CNTNAP2: variants seen among roughly 807,000 people sequenced by gnomAD.
CNTNAP2 encodes contactin-associated protein-like 2.
A neutral mutation model predicts 155.2 loss-of-function variants in CNTNAP2; 98 were observed. The observed-to-expected ratio is 0.63, with a 90% CI of 0.54 to 0.75. The LOEUF (loss-of-function observed/expected upper bound fraction) is 0.75. Ranked by LOEUF, CNTNAP2 falls within the 30% of genes least tolerant of loss-of-function variation. The pLI is 0.00. For synonymous variants in CNTNAP2, 651 were observed against 631.2 expected, an observed-to-expected ratio of 1.03 and a Z score of -0.47; for missense variants, 1,727 against 1,688.1, an observed-to-expected ratio of 1.02 and a Z score of -0.40.
At chr7:147,183,829 A>G (rs1256217473) in intron 8 of CNTNAP2, among the ~76,000 whole-genome samples, 4 of 152,150 alleles carry the variant, frequency 2.6e-5, no homozygotes, top group Admixed American at 6.5e-5. Context: ...GCCTGCTAAA[A>G]TTGTTGCCAC....
In CNTNAP2 at chr7:148,370,128, C is replaced by T. The variant is rs182140814; in HGVS notation, c.3476-13521C>T. Among the ~76,000 whole-genome samples the T allele has an allele frequency of 3.6e-3, 541 of 152,248 alleles. 4 individuals carry two copies. The highest frequency in any genetic ancestry group is 0.013 in the African/African-American group (521 of 41,538). The stretch of plus-strand genomic sequence containing the variant: ...AAGAGAAAGATATGGTCAAATGGCC[C>T]GGCCTCCTCCCACCTCGGAGGATAC... On this transcript the variant is annotated intron_variant, in intron 21 of 23. Coordinates refer to ENST00000361727, the MANE Select transcript of CNTNAP2 (RefSeq NM_014141.6).
chr7:146,557,786 A>G (rs1798218949), intron 1 of CNTNAP2, among the ~76,000 whole-genome samples: 1 of 152,184 alleles, frequency 6.6e-6, no homozygotes, highest in Admixed American at 6.5e-5. Context: ...TAGGTTGCAA[A>G]TTGAGCTAAT....
At chr7:146,958,575 G>A (rs914145256) in intron 3 of CNTNAP2, among the ~76,000 whole-genome samples, 9 of 151,618 alleles carry the variant, frequency 5.9e-5, no homozygotes, top group South Asian at 2.1e-4. Context: ...CACAACGCCC[G>A]GCTAATTTTT....
intron 21 of CNTNAP2, among the ~76,000 whole-genome samples, chr7:148,271,572 C>T (rs6973287): frequency 0.36 from 54,195 of 152,142 alleles, 11,394 homozygotes; most frequent in East Asian, 0.6. Flanking sequence ...GACACCTGCA[C>T]CTTCCAGAAT....
intron 1 of CNTNAP2, among the ~76,000 whole-genome samples, chr7:146,223,469 A>G (rs1799241284): frequency 6.6e-6 from 1 of 152,172 alleles, no homozygotes; most frequent in East Asian, 1.9e-4. Context: ...AGCTTCAGTA[A>G]GAGTGGACAT....
chr7:146,416,285 T>TAC (rs1373633550), intron 1 of CNTNAP2, among the ~76,000 whole-genome samples: 6 of 150,404 alleles, frequency 4.0e-5, no homozygotes, highest in African/African-American at 1.5e-4. Flanking sequence ...CCTATATATA[T>TAC]ACCTATATAT....
At chr7:147,833,830 G>C (rs1798592099) in intron 13 of CNTNAP2, among the ~76,000 whole-genome samples, 1 of 152,192 alleles carries the variant, frequency 6.6e-6, no homozygotes, top group African/African-American at 2.4e-5. Context: ...GCCAGTCCCT[G>C]TGCTGTAGGA....
intron 19 of CNTNAP2, among the ~76,000 whole-genome samples, chr7:148,220,844 G>A (rs952724206): frequency 6.6e-6 from 1 of 152,084 alleles, no homozygotes; most frequent in African/African-American, 2.4e-5. Flanking sequence ...CCTGGATCAG[G>A]GTCAATAGGT....
At chr7:146,379,668 C>G (rs1466584672) in intron 1 of CNTNAP2, among the ~76,000 whole-genome samples, 1 of 152,136 alleles carries the variant, frequency 6.6e-6, no homozygotes, top group Non-Finnish European at 1.5e-5. Context: ...ATCTTGTGGA[C>G]ATTACATTCT....
At chr7:146,190,331 T>C (rs1025666298) in intron 1 of CNTNAP2, among the ~76,000 whole-genome samples, 4 of 148,762 alleles carry the variant, frequency 2.7e-5, no homozygotes. Context: ...ATCAGCACTG[T>C]CGTTGAGTTG....
chr7:146,575,250 G>C (rs1386179528), intron 1 of CNTNAP2, among the ~76,000 whole-genome samples: 8 of 152,088 alleles, frequency 5.3e-5, no homozygotes, highest in African/African-American at 1.9e-4. Flanking sequence ...CTGAGTAGCT[G>C]AGATTACAGG....
chr7:146,567,033 A>G (rs372077778), intron 1 of CNTNAP2, among the ~76,000 whole-genome samples: 6 of 152,210 alleles, frequency 3.9e-5, no homozygotes, highest in African/African-American at 1.4e-4. Flanking sequence ...AACCTTAGTT[A>G]TTTCCTGGTT....
chr7:146,740,672 T>C (rs1801696859), intron 1 of CNTNAP2, among the ~76,000 whole-genome samples: 2 of 152,218 alleles, frequency 1.3e-5, no homozygotes, highest in African/African-American at 4.8e-5. Context: ...GCCAGAATCC[T>C]GGGTCCTGCT....
At chr7:147,323,875 T>C (rs549373232) in intron 9 of CNTNAP2, among the ~76,000 whole-genome samples, 2 of 123,674 alleles carry the variant, frequency 1.6e-5, no homozygotes, top group East Asian at 6.2e-4. Context: ...AACAGCTTTA[T>C]TCAATAAATT....
At chr7:148,266,990 T>C in intron 20 of CNTNAP2, 43 bp from the exon 21 acceptor site, 1 of 1,570,364 alleles carries the variant, frequency 6.4e-7, no homozygotes, top group Middle Eastern at 1.7e-4. Flanking sequence ...CCACACAGGG[T>C]AGAGACGTGC....
chr7:146,827,972 A>G (rs1420963908), intron 2 of CNTNAP2, among the ~76,000 whole-genome samples: 1 of 152,130 alleles, frequency 6.6e-6, no homozygotes, highest in Non-Finnish European at 1.5e-5. Context: ...ATTTCTGTGA[A>G]TAAAATATAT....
At chr7:147,850,699 T>C (rs934517408) in intron 13 of CNTNAP2, among the ~76,000 whole-genome samples, 3 of 152,214 alleles carry the variant, frequency 2.0e-5, no homozygotes, top group African/African-American at 7.2e-5. Flanking sequence ...TAAATAGTGC[T>C]GGGAAAACTG....
chr7:147,699,173 G>A (rs2117001860), intron 13 of CNTNAP2, among the ~76,000 whole-genome samples: 1 of 151,400 alleles, frequency 6.6e-6, no homozygotes, highest in Admixed American at 6.6e-5. Context: ...GGGTTATCTA[G>A]GTGACTTAAG....
At chr7:147,022,094 G>A (rs901341014) in intron 3 of CNTNAP2, among the ~76,000 whole-genome samples, 2 of 151,792 alleles carry the variant, frequency 1.3e-5, no homozygotes, top group African/African-American at 2.4e-5. Flanking sequence ...TAGACCTTCC[G>A]GAGTTTTGCT....
Sources: gnomAD v4.1 joint callset for allele counts (sites outside exome capture counted in the v4.1 genomes callset) on GRCh38, gnomAD v4.1.1 for gene constraint, MANE v1.5 for transcripts, NCBI Gene and HGNC (gene_info 2026-07-23, HGNC 2026-07-21) for gene names.